Variants in SMAD2 observed in about 807,000 individuals in gnomAD.
SMAD2 encodes the protein MAD homolog 2.
SMAD2 carries 8 observed loss-of-function variants against 64.4 expected under a neutral mutation model. That is an observed-to-expected ratio of 0.12 (90% confidence interval 0.07 to 0.22). The LOEUF (loss-of-function observed/expected upper bound fraction) is 0.22. Ranked by LOEUF, SMAD2 falls within the 10% of genes least tolerant of loss-of-function variation. SMAD2 has a pLI of 1.00. For synonymous variants in SMAD2, 203 were observed against 195.8 expected, an observed-to-expected ratio of 1.04 and a Z score of -0.31; for missense variants, 289 against 561.2, an observed-to-expected ratio of 0.51 and a Z score of 4.90.
chr18:47,821,328 T>A lies in SMAD2; in HGVS notation c.*20499A>T, dbSNP rs531588366. 43 of 152,280 alleles carry A rather than the reference T, an allele frequency of 2.8e-4. No individual in the cohort carries two copies. Among genetic ancestry groups the A allele is most frequent in the African/African-American group, 6.5e-4 (27 of 41,554 alleles). The allele number at this position is 152,280 out of a possible 1,614,324, so 9.4% of individuals were successfully genotyped here. A position where few individuals can be genotyped will look rare whatever the true frequency, so the allele number is the denominator to read the frequency against. ...GATAACTCTTAACTTTTTCATTAGC[T>A]CCTGTAACTTTTTTCCTCTGGTTCT... is the stretch of plus-strand genomic sequence containing the variant. On this transcript the variant is annotated 3_prime_UTR_variant, in exon 11 of 11. Coordinates refer to ENST00000262160, the MANE Select transcript of SMAD2 (RefSeq NM_005901.6).
chr18:47,864,969 A>G (rs527969280), intron 6 of SMAD2, 90 bp downstream of exon 6: 9 of 797,314 alleles, frequency 1.1e-5, no homozygotes, highest in Admixed American at 1.9e-5. Context: ...CAACTTCTCT[A>G]AATTTAAGAG....
chr18:47,834,484 C>T lies in SMAD2; in HGVS notation c.*7343G>A, dbSNP rs986471681. ...CAGGCACTTTAGGGCAGCTGGTCAC[C>T]CTGAGAACACTACCCACTCGTTCCT... On this transcript the variant is annotated 3_prime_UTR_variant, in exon 11 of 11. Transcript: ENST00000262160. 4.9e-6 allele frequency: 1 copy of T among 203,426 alleles called. No individual in the cohort carries two copies. Among genetic ancestry groups the T allele is most frequent in the Admixed American group, 6.0e-5 (1 of 16,726 alleles). 12.6% of individuals were successfully genotyped at this position (203,426 alleles called of 1,614,324 possible). A position where few individuals can be genotyped will look rare whatever the true frequency, so the allele number is the denominator to read the frequency against.
chr18:47,855,441 T>TGATAGCCA (rs1458234667), intron 6 of SMAD2, among the ~76,000 whole-genome samples: 9 of 152,178 alleles, frequency 5.9e-5, no homozygotes, highest in African/African-American at 2.2e-4. Flanking sequence ...CACCAAACTG[T>TGATAGCCA]CTTCCAAAGT....
chr18:47,910,277 G>A (rs886330699), intron 1 of SMAD2, among the ~76,000 whole-genome samples: 3 of 151,946 alleles, frequency 2.0e-5, no homozygotes, highest in Non-Finnish European at 2.9e-5. Context: ...AACAGAAGAC[G>A]ACGTAACAGA....
chr18:47,868,410 GT>G lies in SMAD2; in HGVS notation c.567del (p.Glu189AspfsTer49). 6.2e-7 allele frequency: 1 copy of G among 1,611,012 alleles called. No homozygotes were observed. Among genetic ancestry groups the G allele is most frequent in the Non-Finnish European group, 8.5e-7 (1 of 1,177,398 alleles). On this transcript the variant is annotated frameshift_variant, in exon 5 of 11. Coordinates refer to ENST00000262160, the MANE Select transcript of SMAD2 (RefSeq NM_005901.6). LOFTEE classifies it high-confidence loss of function. ...LVPRHTEILT[E>X]LPPLDDYTHS... ...TGAGTATAGTCATCCAGAGGCGGAA[GT>G]TCTGTTAGGATCTCGGTGTGTCGGG... is the stretch of plus-strand genomic sequence containing the variant.
At chr18:47,852,193 G>T (rs183639565) in intron 6 of SMAD2, among the ~76,000 whole-genome samples, 2 of 152,288 alleles carry the variant, frequency 1.3e-5, no homozygotes, top group African/African-American at 4.8e-5. Flanking sequence ...TATTAGGGAT[G>T]TAAGTCTTCT....
intron 2 of SMAD2, among the ~76,000 whole-genome samples, chr18:47,874,731 T>C (rs960311505): frequency 2.6e-5 from 4 of 152,176 alleles, no homozygotes; most frequent in African/African-American, 9.6e-5. Context: ...CTCACTAATA[T>C]ATGCATAAAG....
At chr18:47,894,645 C>G (rs1037675487) in intron 2 of SMAD2, among the ~76,000 whole-genome samples, 2 of 152,216 alleles carry the variant, frequency 1.3e-5, no homozygotes, top group Admixed American at 1.3e-4. Flanking sequence ...CAGAAGGAAA[C>G]TTTCCACAAG....
chr18:47,911,118 G>C (rs2034114076), intron 1 of SMAD2, among the ~76,000 whole-genome samples: 1 of 152,130 alleles, frequency 6.6e-6, no homozygotes, highest in Non-Finnish European at 1.5e-5. Flanking sequence ...TTGAGAGGCA[G>C]AGGCGGTTGG....
chr18:47,832,883 A>T lies in SMAD2; in HGVS notation c.*8944T>A, dbSNP rs958279350. 3.2e-5 allele frequency: 5 copies of T among 155,036 alleles called. No individual in the cohort carries two copies. Among genetic ancestry groups the T allele is most frequent in the Non-Finnish European group, 7.2e-5 (5 of 69,758 alleles). The allele number at this position is 155,036 out of a possible 1,614,324, so 9.6% of individuals were successfully genotyped here. A position where few individuals can be genotyped will look rare whatever the true frequency, so the allele number is the denominator to read the frequency against. On this transcript the variant is annotated 3_prime_UTR_variant, in exon 11 of 11. Coordinates refer to ENST00000262160, the MANE Select transcript of SMAD2 (RefSeq NM_005901.6). ...TTGTGGGGTTATATTAAGTAGTATA[A>T]ATTTATCTCCCGGGGGGATAGGATA... is the stretch of plus-strand genomic sequence containing the variant.
intron 2 of SMAD2, chr18:47,886,970 CACG>C (rs2032947365): frequency 6.6e-6 from 1 of 150,948 alleles, no homozygotes; most frequent in Non-Finnish European, 1.5e-5. Flanking sequence ...GCATGTATTT[CACG>C]TAGACACACG....
chr18:47,906,453 A>C (rs2033906965), intron 1 of SMAD2, among the ~76,000 whole-genome samples: 1 of 152,214 alleles, frequency 6.6e-6, no homozygotes, highest in Non-Finnish European at 1.5e-5. Context: ...AAGACACAGG[A>C]GCACATGAAG....
At chr18:47,873,138 G>A (rs2032046554) in intron 2 of SMAD2, among the ~76,000 whole-genome samples, 1 of 151,968 alleles carries the variant, frequency 6.6e-6, no homozygotes, top group Admixed American at 6.6e-5. Context: ...ACGTGCCCAG[G>A]CTTACAATGC....
chr18:47,819,207 T>G lies in SMAD2; in HGVS notation c.*22620A>C, dbSNP rs1268810497. 1 of 152,194 alleles carries G rather than the reference T, an allele frequency of 6.6e-6. No individual in the cohort carries two copies. Among genetic ancestry groups the G allele is most frequent in the Non-Finnish European group, 1.5e-5 (1 of 68,036 alleles). 9.4% of individuals were successfully genotyped at this position (152,194 alleles called of 1,614,324 possible). A position where few individuals can be genotyped will look rare whatever the true frequency, so the allele number is the denominator to read the frequency against. On this transcript the variant is annotated 3_prime_UTR_variant, in exon 11 of 11. Transcript: ENST00000262160. Reference sequence around the variant, plus strand: ...AAATCAAAAATAAGTGTCTTTAAAATTTTTGCCTGAATTTACTACTCAGTT... The same window carrying G: ...AAATCAAAAATAAGTGTCTTTAAAAGTTTTGCCTGAATTTACTACTCAGTT...
chr18:47,841,661 C>A lies in SMAD2; in HGVS notation c.*166G>T. On this transcript the variant is annotated 3_prime_UTR_variant, in exon 11 of 11. Transcript: ENST00000262160. ...GACACTAATTTTCCCATCTAATATT[C>A]AAATATAGGAAACAGATTCCACAAG... is the stretch of plus-strand genomic sequence containing the variant. 1 of 706,304 alleles carries A rather than the reference C, an allele frequency of 1.4e-6. No homozygotes were observed. The highest frequency in any genetic ancestry group is 2.4e-6 in the Non-Finnish European group (1 of 408,526). 43.8% of individuals were successfully genotyped at this position (706,304 alleles called of 1,614,324 possible). A position where few individuals can be genotyped will look rare whatever the true frequency, so the allele number is the denominator to read the frequency against.
At position 47,809,382 on chromosome 18, in the gene SMAD2, T is replaced by A. The variant is rs879397845; in HGVS notation, c.*32445A>T. ...TGAGGGGTGGGGATGGTATTCTATA[T>A]CCCTCCAATCTGGAACTGGAACCAG... On this transcript the variant is annotated 3_prime_UTR_variant, in exon 11 of 11. Transcript: ENST00000262160. The A allele has an allele frequency of 6.6e-6, 1 of 152,498 alleles. No homozygotes were observed. Among genetic ancestry groups the A allele is most frequent in the Non-Finnish European group, 1.5e-5 (1 of 68,296 alleles). The allele number at this position is 152,498 out of a possible 1,614,324, so 9.4% of individuals were successfully genotyped here.
chr18:47,883,100 ACTTT>A (rs1568080343), intron 2 of SMAD2, among the ~76,000 whole-genome samples: 2 of 152,080 alleles, frequency 1.3e-5, no homozygotes, highest in African/African-American at 4.8e-5. Flanking sequence ...CTTTCTACTT[ACTTT>A]CTATTTTATC....
At chr18:47,886,447 T>G (rs532373209) in intron 2 of SMAD2, among the ~76,000 whole-genome samples, 1 of 152,326 alleles carries the variant, frequency 6.6e-6, no homozygotes, top group African/African-American at 2.4e-5. Flanking sequence ...AACTTCATTA[T>G]AAATTTGTGT....
In SMAD2 at chr18:47,837,972, C is replaced by A. The variant is rs1018496901; in HGVS notation, c.*3855G>T. The A allele has an allele frequency of 4.3e-6, 1 of 232,508 alleles. No homozygotes were observed. The highest frequency in any genetic ancestry group is 2.2e-5 in the African/African-American group (1 of 45,246). The allele number at this position is 232,508 out of a possible 1,614,324, so 14.4% of individuals were successfully genotyped here. A position where few individuals can be genotyped will look rare whatever the true frequency, so the allele number is the denominator to read the frequency against. On this transcript the variant is annotated 3_prime_UTR_variant, in exon 11 of 11. Transcript: ENST00000262160. ...CCTCAGACGAAGAGGGTATCTAACA[C>A]TGAATAAATGCTGAACCTATTTAGT... is the stretch of plus-strand genomic sequence containing the variant.
Sources: gnomAD v4.1 joint callset for allele counts (sites outside exome capture counted in the v4.1 genomes callset) on GRCh38, gnomAD v4.1.1 for gene constraint, MANE v1.5 for transcripts, NCBI Gene and HGNC (gene_info 2026-07-23, HGNC 2026-07-21) for gene names.